The following LRIG1 variants were observed in gnomAD, a reference collection of about 807,000 sequenced individuals.
The protein encoded by LRIG1 is leucine rich repeats and immunoglobulin like domains 1.
Under a neutral mutation model 99.2 loss-of-function variants are expected in LRIG1, and 48 were observed. That is an observed-to-expected ratio of 0.48 (90% CI 0.38 to 0.62). The LOEUF (loss-of-function observed/expected upper bound fraction) is 0.62. Among genes scored for constraint, LRIG1 ranks in the 20% least tolerant of loss-of-function variants. The pLI, the probability that LRIG1 is intolerant of heterozygous loss-of-function variation, is 0.00. For synonymous variants in LRIG1, 772 were observed against 596.1 expected, an observed-to-expected ratio of 1.29 and a Z score of -4.30; for missense variants, 1,646 against 1,434.4, an observed-to-expected ratio of 1.15 and a Z score of -2.38.
chr3:66,385,989 G>A lies in LRIG1; in HGVS notation c.1781C>T (p.Thr594Ile), dbSNP rs755438992. 5 of 1,613,530 alleles carry A rather than the reference G, an allele frequency of 3.1e-6. No individual in the cohort carries two copies. In the South Asian group the frequency reaches 5.5e-5, roughly 18 times the overall value. The change falls in exon 13 of 19, where the codon ACC becomes ATC. Residue 594 changes from threonine (T) to isoleucine (I), a missense_variant. Thr to Ile is a moderately conservative substitution (Grantham distance 89, BLOSUM62 -1). Transcript: ENST00000273261. Reference sequence around the variant, plus strand: ...AGATGGTGTTTCCATACCATTCACGGTGAGCCTGGCCTTATGTGAATAGGT... The same window carrying A: ...AGATGGTGTTTCCATACCATTCACGATGAGCCTGGCCTTATGTGAATAGGT... The part of the protein sequence containing the change: ...GSTYSHKARL[T>I]VNVLPSFTKT...
At chr3:66,495,282 C>T (rs1701200731) in intron 1 of LRIG1, among the ~76,000 whole-genome samples, 1 of 152,186 alleles carries the variant, frequency 6.6e-6, no homozygotes, top group Non-Finnish European at 1.5e-5. Context: ...TTTTCCTCCA[C>T]CCGTCCTCCC....
Position 66,390,062 on chromosome 3 carries a change from G to C in LRIG1, c.1469-3761C>G, listed in dbSNP as rs146034184. Among the ~76,000 whole-genome samples, 270 of 152,212 alleles carry C rather than the reference G, an allele frequency of 1.8e-3. 3 individuals carry two copies. The highest frequency in any genetic ancestry group is 2.8e-3 in the Non-Finnish European group (191 of 67,982). On this transcript the variant is annotated intron_variant, in intron 12 of 18. Transcript: ENST00000273261. ...TAGGACTTTTAGGTGGATGTCTCAT[G>C]ATTTCCCACCAAAACTCTCACAAAT... is the stretch of plus-strand genomic sequence containing the variant.
At chr3:66,441,573 G>C (rs1228684470) in intron 3 of LRIG1, among the ~76,000 whole-genome samples, 2 of 152,224 alleles carry the variant, frequency 1.3e-5, no homozygotes, top group Non-Finnish European at 1.5e-5. Flanking sequence ...CCTCGGGTCA[G>C]AAAGAGGCTT....
Position 66,394,151 on chromosome 3 carries a change from G to A in LRIG1, c.1357C>T (p.Pro453Ser). 1.2e-6 allele frequency: 2 copies of A among 1,611,158 alleles called. No individual in the cohort carries two copies. Among genetic ancestry groups the A allele is most frequent in the South Asian group, 1.1e-5 (1 of 90,654 alleles). ...TGCAGCATCCTGCCAATTAGCCACG[G>A]GGGCAGCCACTTCAGCTGGCAGTCA... ...LCDCQLKWLP[P>S]WLIGRMLQAF... The change falls in exon 12 of 19, where the codon CCG becomes TCG. Residue 453 changes from proline (P) to serine (S), a missense_variant. By Grantham distance (74) the Pro-to-Ser change is moderately conservative. Coordinates refer to ENST00000273261, the MANE Select transcript of LRIG1 (RefSeq NM_015541.3).
chr3:66,402,242 G>A (rs996567066), intron 9 of LRIG1, among the ~76,000 whole-genome samples: 4 of 152,048 alleles, frequency 2.6e-5, no homozygotes, highest in Admixed American at 6.5e-5. Flanking sequence ...TCCCTCCCGC[G>A]TACTGACTCT....
At chr3:66,443,629 C>T (rs1280024841) in intron 3 of LRIG1, among the ~76,000 whole-genome samples, 2 of 152,180 alleles carry the variant, frequency 1.3e-5, no homozygotes, top group Admixed American at 1.3e-4. Context: ...TAGACATTCC[C>T]CAGCCCCTGT....
chr3:66,384,192 C>T lies in LRIG1; in HGVS notation c.1870G>A (p.Gly624Ser). ...TMARLECAAT[G>S]HPNPQIAWQK... ...CAGGCAATCTGAGGGTTTGGGTGAC[C>T]TGTGGCAGCACATTCGAGGCGGGCC... The change falls in exon 14 of 19, where the codon GGT (glycine) becomes AGT (serine). Residue 624 changes from glycine to serine, a missense_variant. Transcript: ENST00000273261. 6.2e-7 allele frequency: 1 copy of T among 1,614,168 alleles called. No individual in the cohort carries two copies. The highest frequency in any genetic ancestry group is 8.5e-7 in the Non-Finnish European group (1 of 1,180,018).
intron 1 of LRIG1, among the ~76,000 whole-genome samples, chr3:66,488,637 A>G (rs1701030304): frequency 6.6e-6 from 1 of 152,148 alleles, no homozygotes; most frequent in Non-Finnish European, 1.5e-5. Context: ...ACTCTGCCTC[A>G]AAAAAGAAAA....
intron 7 of LRIG1, chr3:66,409,876 C>T: frequency 2.5e-6 from 1 of 402,972 alleles, no homozygotes; most frequent in South Asian, 4.4e-5. Flanking sequence ...AGGCTCCCTG[C>T]AGGGACCTAG....
At chr3:66,408,097 T>C (rs972990255) in intron 7 of LRIG1, among the ~76,000 whole-genome samples, 13 of 152,196 alleles carry the variant, frequency 8.5e-5, no homozygotes, top group Non-Finnish European at 1.6e-4. Flanking sequence ...TAAAAGCACA[T>C]GCTTTGCCCG....
At chr3:66,390,534 A>G (rs916668798) in intron 12 of LRIG1, among the ~76,000 whole-genome samples, 6 of 152,224 alleles carry the variant, frequency 3.9e-5, no homozygotes, top group East Asian at 1.9e-4. Flanking sequence ...TAAGATGGCA[A>G]TACTTCTCAC....
At chr3:66,497,959 T>C (rs1323807065) in intron 1 of LRIG1, among the ~76,000 whole-genome samples, 7 of 152,184 alleles carry the variant, frequency 4.6e-5, no homozygotes, top group Non-Finnish European at 1.0e-4. Flanking sequence ...ATACAAACCA[T>C]ATAAATACTC....
At chr3:66,396,219 T>G (rs1239069641) in intron 11 of LRIG1, among the ~76,000 whole-genome samples, 1 of 152,074 alleles carries the variant, frequency 6.6e-6, no homozygotes, top group Non-Finnish European at 1.5e-5. Flanking sequence ...AACAGCAAGT[T>G]AGGACTGAGA....
intron 8 of LRIG1, chr3:66,405,781 A>T: frequency 8.4e-7 from 1 of 1,187,252 alleles, no homozygotes; most frequent in Non-Finnish European, 1.1e-6. Context: ...CCCGGAGCCC[A>T]TCTCCTCCCA....
rs1257149730 is a variant in LRIG1 at position 66,383,139 on chromosome 3, C to T, written c.2334G>A (p.Leu778=). 2 of 1,614,248 alleles carry T rather than the reference C, an allele frequency of 1.2e-6. No individual in the cohort carries two copies. The highest frequency in any genetic ancestry group is 2.2e-5 in the East Asian group (1 of 44,878). Residue 778 remains leucine (L), a synonymous_variant, in exon 15 of 19, where the codon CTG becomes CTA. Coordinates refer to ENST00000273261, the MANE Select transcript of LRIG1 (RefSeq NM_015541.3). ...TGCAGCCTGCTGCGGGCAGGACGCT[C>T]AGCTGGCTGTGAGCTCGCTCCGTGC... ...TLGTERAHSQ[L]SVLPAAGCRK...
chr3:66,425,642 A>C (rs952809379), intron 3 of LRIG1, among the ~76,000 whole-genome samples: 1 of 152,216 alleles, frequency 6.6e-6, no homozygotes, highest in Non-Finnish European at 1.5e-5. Context: ...GCCTCATCAA[A>C]GGAACAGCGC....
intron 1 of LRIG1, among the ~76,000 whole-genome samples, chr3:66,493,371 TAG>T (rs1428996777): frequency 3.3e-5 from 5 of 152,220 alleles, no homozygotes; most frequent in Admixed American, 3.3e-4. Context: ...ACAACTGGAA[TAG>T]ATTTATAAAA....
chr3:66,405,876 A>C, intron 8 of LRIG1: 1 of 1,083,614 alleles, frequency 9.2e-7, no homozygotes, highest in Non-Finnish European at 1.1e-6. Context: ...GATCAGAGGG[A>C]TGAGGCCAAC....
intron 3 of LRIG1, among the ~76,000 whole-genome samples, chr3:66,422,378 T>C (rs1702848161): frequency 6.6e-6 from 1 of 152,258 alleles, no homozygotes; most frequent in Non-Finnish European, 1.5e-5. Context: ...TTTAATGCTT[T>C]ACTGCTTAGA....
Sources: allele counts gnomAD v4.1 joint callset (sites outside exome capture counted in the v4.1 genomes callset), GRCh38; gene constraint gnomAD v4.1.1; transcripts MANE v1.5; gene names NCBI Gene and HGNC (gene_info 2026-07-23, HGNC 2026-07-21).